TTC28: variants seen among roughly 807,000 people sequenced by gnomAD.
TTC28 encodes the protein tetratricopeptide repeat protein 28.
TTC28 carries 61 observed loss-of-function variants against 198.0 expected under a neutral mutation model. That is an observed-to-expected ratio of 0.31 (90% CI 0.25 to 0.38). The LOEUF is 0.38. Ranked by LOEUF, TTC28 falls within the 10% of genes least tolerant of loss-of-function variation. TTC28 has a pLI of 1.00. For synonymous variants in TTC28, 1,171 were observed against 1,297.8 expected (o/e 0.90, Z 2.10); for missense variants, 2,678 against 3,164.0 (o/e 0.85, Z 3.69).
chr22:28,198,481 AT>A (rs1265048719), intron 5 of TTC28, among the ~76,000 whole-genome samples: 1 of 152,204 alleles, frequency 6.6e-6, no homozygotes, highest in Non-Finnish European at 1.5e-5. Context: ...GAATGATTAA[AT>A]TATGGCACAA....
At chr22:28,613,999 A>C (rs1601623757) in intron 2 of TTC28, among the ~76,000 whole-genome samples, 2 of 152,348 alleles carry the variant, frequency 1.3e-5, no homozygotes, top group Admixed American at 1.3e-4. Context: ...AGAGGAAGTC[A>C]AATTGTCTCT....
At position 28,107,910 on chromosome 22, in the gene TTC28, G is replaced by A. The variant is rs74994518; in HGVS notation, c.1935C>T (p.Tyr645=). The change falls in exon 7 of 23, where the codon TAC becomes TAT. Residue 645 remains tyrosine, a synonymous_variant. Coordinates refer to ENST00000397906, the MANE Select transcript of TTC28 (RefSeq NM_001145418.2). The part of the protein sequence containing the change: ...KVCHNLGYAH[Y]CLGNYQEAVK... ...CTGCCTCCTGATAGTTTCCAAGGCA[G>A]TAATGGGCATAGCCAAGATTGTGGC... 283 of 1,551,760 alleles carry A rather than the reference G, an allele frequency of 1.8e-4. No homozygotes were observed. Among genetic ancestry groups the A allele is most frequent in the Non-Finnish European group, 2.4e-4 (275 of 1,147,006 alleles).
chr22:28,557,800 A>G (rs750955172), intron 2 of TTC28, among the ~76,000 whole-genome samples: 1 of 152,176 alleles, frequency 6.6e-6, no homozygotes, highest in Admixed American at 6.5e-5. Context: ...GAGAGAATTT[A>G]TATTTGCTTC....
chr22:28,514,371 T>C (rs569705160), intron 2 of TTC28, among the ~76,000 whole-genome samples: 8 of 152,218 alleles, frequency 5.3e-5, no homozygotes, highest in Non-Finnish European at 8.8e-5. Flanking sequence ...CTAAATCAAT[T>C]AATCATTTCC....
Position 27,998,682 on chromosome 22 carries a change from A to G in TTC28, c.4977T>C (p.Pro1659=), listed in dbSNP as rs1190461137. The change falls in exon 16 of 23, where the codon CCT becomes CCC. Residue 1659 remains proline (P), a synonymous_variant. Coordinates refer to ENST00000397906, the MANE Select transcript of TTC28 (RefSeq NM_001145418.2). ...GAQCVLVSLW[P]VPVAASKMFI... ...ACATCTTAGAAGCAGCCACTGGCAC[A>G]GGCCACAGAGACACGAGGACACACT... 5.8e-6 allele frequency: 9 copies of G among 1,550,914 alleles called. No homozygotes were observed. Among genetic ancestry groups the G allele is most frequent in the Non-Finnish European group, 7.8e-6 (9 of 1,147,000 alleles).
intron 1 of TTC28, among the ~76,000 whole-genome samples, chr22:28,638,778 A>C (rs1334183806): frequency 6.6e-6 from 1 of 152,230 alleles, no homozygotes; most frequent in Non-Finnish European, 1.5e-5. Flanking sequence ...GAAATAAAAA[A>C]TTAGCAATAC....
At chr22:28,678,080 C>T (rs769287072) in intron 1 of TTC28, among the ~76,000 whole-genome samples, 6 of 152,092 alleles carry the variant, frequency 3.9e-5, no homozygotes, top group Non-Finnish European at 7.4e-5. Context: ...TAGATATTTA[C>T]CTGCCCCAAT....
chr22:28,461,389 A>G (rs1215905840), intron 2 of TTC28, among the ~76,000 whole-genome samples: 2 of 151,644 alleles, frequency 1.3e-5, no homozygotes, highest in Non-Finnish European at 2.9e-5. Flanking sequence ...AAACTGACCA[A>G]CGTAACACCC....
intron 2 of TTC28, among the ~76,000 whole-genome samples, chr22:28,617,737 G>A (rs2050924973): frequency 6.6e-6 from 1 of 152,124 alleles, no homozygotes; most frequent in Non-Finnish European, 1.5e-5. Flanking sequence ...TACGGTTCTT[G>A]GAATTTGACA....
intron 21 of TTC28, among the ~76,000 whole-genome samples, chr22:27,988,963 T>C (rs902536001): frequency 6.6e-6 from 1 of 152,228 alleles, no homozygotes; most frequent in Non-Finnish European, 1.5e-5. Flanking sequence ...GGTAGGAATT[T>C]AGTCTTTTGC....
chr22:28,620,958 G>A (rs1392788823), intron 2 of TTC28, among the ~76,000 whole-genome samples: 1 of 152,092 alleles, frequency 6.6e-6, no homozygotes, highest in African/African-American at 2.4e-5. Context: ...CCTTCTGGCT[G>A]CTTTTTGTTT....
At chr22:28,543,176 TA>T (rs1278812297) in intron 2 of TTC28, among the ~76,000 whole-genome samples, 4 of 151,718 alleles carry the variant, frequency 2.6e-5, no homozygotes, top group Non-Finnish European at 4.4e-5. Flanking sequence ...CTCTACAAAA[TA>T]AAAAGTAACA....
intron 2 of TTC28, among the ~76,000 whole-genome samples, chr22:28,496,776 G>T (rs2048461061): frequency 6.6e-6 from 1 of 151,990 alleles, no homozygotes; most frequent in Non-Finnish European, 1.5e-5. Context: ...CCGCTTAGAA[G>T]ATTATAAAGA....
intron 12 of TTC28, among the ~76,000 whole-genome samples, chr22:28,054,479 C>G (rs1437833004): frequency 1.3e-5 from 2 of 151,926 alleles, no homozygotes; most frequent in Non-Finnish European, 2.9e-5. Flanking sequence ...ATGTCTTTGG[C>G]CCAGATAAAA....
intron 1 of TTC28, among the ~76,000 whole-genome samples, chr22:28,630,686 C>A (rs1239360408): frequency 6.6e-6 from 1 of 152,162 alleles, no homozygotes; most frequent in African/African-American, 2.4e-5. Flanking sequence ...AAACATTCTT[C>A]ATGATCTGCT....
chr22:28,015,748 T>C (rs1938345813), intron 13 of TTC28, among the ~76,000 whole-genome samples: 1 of 151,952 alleles, frequency 6.6e-6, no homozygotes. Context: ...TTAACCTCGA[T>C]TTAGACACTG....
chr22:28,329,783 C>T (rs2045587524), intron 2 of TTC28, among the ~76,000 whole-genome samples: 1 of 152,142 alleles, frequency 6.6e-6, no homozygotes. Flanking sequence ...GAAAGGAATG[C>T]TTTATTTCAG....
In TTC28 at chr22:27,998,770, T is replaced by C. The variant is rs1937597088; in HGVS notation, c.4889A>G (p.Asn1630Ser). ...LVVLGSSQES[N>S]SKVTADGVIA... ...GACCCCGTCGGCTGTGACTTTGCTG[T>C]TGGACTCCTGGGAGGAGCCAAGCAC... The change falls in exon 16 of 23, where the codon AAC (asparagine) becomes AGC (serine). Residue 1630 changes from asparagine (N) to serine (S), a missense_variant. By Grantham distance (46) the Asn-to-Ser change is conservative (BLOSUM62 1). Transcript: ENST00000397906. The C allele has an allele frequency of 6.4e-7, 1 of 1,550,686 alleles. No individual in the cohort carries two copies. Among genetic ancestry groups the C allele is most frequent in the African/African-American group, 1.4e-5 (1 of 73,168 alleles).
At chr22:28,001,705 G>A in intron 14 of TTC28, 152 bp from the exon 15 acceptor site, 1 of 862,872 alleles carries the variant, frequency 1.2e-6, no homozygotes, top group Non-Finnish European at 1.7e-6. Flanking sequence ...GGGCCGAGTT[G>A]CAGCCCTGCA....
Sources: allele counts gnomAD v4.1 joint callset (sites outside exome capture counted in the v4.1 genomes callset), GRCh38; gene constraint gnomAD v4.1.1; transcripts MANE v1.5; gene names NCBI Gene and HGNC (gene_info 2026-07-23, HGNC 2026-07-21).